USP46: variants seen among roughly 807,000 people sequenced by gnomAD.
USP46 encodes ubiquitin carboxyl-terminal hydrolase 46.
In USP46, 12 loss-of-function variants were observed where a neutral mutation model predicts 44.4. The observed-to-expected ratio is 0.27, with a 90% CI of 0.17 to 0.44. The LOEUF (loss-of-function observed/expected upper bound fraction) is 0.44. Ranked by LOEUF, USP46 falls within the 20% of genes least tolerant of loss-of-function variation. The pLI is 1.00. For synonymous variants in USP46, 155 were observed against 161.5 expected (o/e 0.96, Z 0.31); for missense variants, 248 against 444.8 (o/e 0.56, Z 3.98).
intron 1 of USP46, chr4:52,656,408 A>C: frequency 3.0e-6 from 2 of 672,574 alleles, no homozygotes; most frequent in Non-Finnish European, 2.2e-6. Context: ...TCCTCTGGGA[A>C]GGAAGACTGG....
At chr4:52,606,490 T>C (rs1402725847) in intron 5 of USP46, among the ~76,000 whole-genome samples, 1 of 152,084 alleles carries the variant, frequency 6.6e-6, no homozygotes, top group Non-Finnish European at 1.5e-5. Context: ...AGACAGCAGG[T>C]GCAGGGGAAC....
chr4:52,635,024 T>C (rs1295247785), intron 1 of USP46, among the ~76,000 whole-genome samples: 1 of 151,828 alleles, frequency 6.6e-6, no homozygotes, highest in Non-Finnish European at 1.5e-5. Flanking sequence ...AATCCTCAAA[T>C]GCAACTGCCC....
At chr4:52,642,819 C>G (rs1234874801) in intron 1 of USP46, among the ~76,000 whole-genome samples, 1 of 152,022 alleles carries the variant, frequency 6.6e-6, no homozygotes, top group East Asian at 1.9e-4. Flanking sequence ...TACCAAAAAG[C>G]AAATTTGAGT....
At chr4:52,616,161 T>A (rs1335622532) in intron 4 of USP46, among the ~76,000 whole-genome samples, 3 of 152,218 alleles carry the variant, frequency 2.0e-5, no homozygotes, top group African/African-American at 7.2e-5. Context: ...CATCTGACAA[T>A]GTCTGGAAAC....
At chr4:52,619,628 T>C (rs554569118) in intron 4 of USP46, among the ~76,000 whole-genome samples, 2 of 152,368 alleles carry the variant, frequency 1.3e-5, no homozygotes, top group African/African-American at 4.8e-5. Flanking sequence ...CTCAACACTT[T>C]ATAGTAACAG....
At chr4:52,644,784 G>A (rs1046466453) in intron 1 of USP46, among the ~76,000 whole-genome samples, 4 of 149,942 alleles carry the variant, frequency 2.7e-5, no homozygotes, top group Admixed American at 6.6e-5. Flanking sequence ...TTGGCCAGGC[G>A]CAGTGGCTCA....
intron 4 of USP46, among the ~76,000 whole-genome samples, chr4:52,618,741 A>G (rs73152475): frequency 0.023 from 3,544 of 152,254 alleles, 115 homozygotes; most frequent in African/African-American, 0.076. Context: ...ACTACAACCA[A>G]TTTGAATGAA....
chr4:52,610,389 C>A (rs553908304), intron 5 of USP46, among the ~76,000 whole-genome samples, 152 bp downstream of exon 5: 25 of 152,248 alleles, frequency 1.6e-4, no homozygotes, highest in African/African-American at 6.0e-4. Context: ...CTCCAGACCA[C>A]ATAATCGCTC....
intron 1 of USP46, among the ~76,000 whole-genome samples, chr4:52,645,459 C>A (rs370085263): frequency 2.6e-4 from 39 of 152,224 alleles, no homozygotes; most frequent in African/African-American, 8.9e-4. Context: ...ACTAAAACTT[C>A]AAGTCAAAAG....
At position 52,594,223 on chromosome 4, in the gene USP46, G is replaced by A. The variant is rs1716136791; in HGVS notation, c.*3417C>T. The A allele has an allele frequency of 1.3e-5, 2 of 151,866 alleles. No homozygotes were observed. Among genetic ancestry groups the A allele is most frequent in the Admixed American group, 1.3e-4 (2 of 15,238 alleles). 9.4% of individuals were successfully genotyped at this position (151,866 alleles called of 1,614,324 possible). On this transcript the variant is annotated 3_prime_UTR_variant, in exon 9 of 9. Coordinates refer to ENST00000441222, the MANE Select transcript of USP46 (RefSeq NM_022832.4). ...TTTTTGCAAACAATTTTAGAGGCAG[G>A]GTGTTAAACTGATTAAAATTTCACA...
chr4:52,602,858 G>GT (rs140378513), intron 6 of USP46, among the ~76,000 whole-genome samples: 16,379 of 152,102 alleles, frequency 0.11, 2,935 homozygotes, highest in African/African-American at 0.37. Context: ...ACATAGAAAA[G>GT]TTTTTTTACT....
At chr4:52,648,276 A>T (rs1718629252) in intron 1 of USP46, among the ~76,000 whole-genome samples, 1 of 152,064 alleles carries the variant, frequency 6.6e-6, no homozygotes, top group Non-Finnish European at 1.5e-5. Flanking sequence ...ACTACAAAAA[A>T]CCTCTTATCT....
In USP46 at chr4:52,626,251, G is replaced by C; in HGVS notation, c.332-4C>G. ...TGCATGTAGTTATCAAAGAGATCTG[G>C]AAAGGAGAAGGTGGTTATTTCAGTC... On this transcript the variant is annotated splice_polypyrimidine_tract_variant and splice_region_variant and intron_variant, in intron 3 of 8. Coordinates refer to ENST00000441222, the MANE Select transcript of USP46 (RefSeq NM_022832.4). 6.2e-7 allele frequency: 1 copy of C among 1,607,958 alleles called. No individual in the cohort carries two copies.
chr4:52,610,160 G>A lies in USP46; in HGVS notation c.638+381C>T, dbSNP rs530058334. Among the ~76,000 whole-genome samples the A allele has an allele frequency of 4.8e-3, 728 of 151,356 alleles. 4 individuals carry two copies. Among genetic ancestry groups the A allele is most frequent in the African/African-American group, 0.017 (683 of 41,314 alleles). ...AGGATGGTCTCGATCTCCTGACCTC[G>A]TGATCCGCCCGTCTCGGCCTCCCAA... is the stretch of plus-strand genomic sequence containing the variant. On this transcript the variant is annotated intron_variant, in intron 5 of 8. Coordinates refer to ENST00000441222, the MANE Select transcript of USP46 (RefSeq NM_022832.4).
chr4:52,604,476 A>G (rs371407219), intron 6 of USP46, 25 bp downstream of exon 6: 17 of 1,590,682 alleles, frequency 1.1e-5, no homozygotes, highest in Non-Finnish European at 1.4e-5. Flanking sequence ...ACACAAAGAT[A>G]ACCCTGAGCT....
intron 1 of USP46, chr4:52,658,389 C>T (rs982318363): frequency 2.5e-6 from 1 of 407,658 alleles, no homozygotes; most frequent in South Asian, 1.8e-5. Context: ...TATCCATGCC[C>T]GCCAGCCTCC....
At chr4:52,648,127 C>G (rs1383966926) in intron 1 of USP46, among the ~76,000 whole-genome samples, 1 of 152,180 alleles carries the variant, frequency 6.6e-6, no homozygotes, top group Admixed American at 6.5e-5. Context: ...GCTCTCATAC[C>G]CAATCAACAG....
At chr4:52,646,197 C>T (rs1444093829) in intron 1 of USP46, among the ~76,000 whole-genome samples, 1 of 152,190 alleles carries the variant, frequency 6.6e-6, no homozygotes, top group Non-Finnish European at 1.5e-5. Context: ...CAGTGAAAAT[C>T]ACAACACCTG....
intron 1 of USP46, among the ~76,000 whole-genome samples, chr4:52,642,492 G>C (rs1718380447): frequency 6.6e-6 from 1 of 152,158 alleles, no homozygotes; most frequent in African/African-American, 2.4e-5. Flanking sequence ...AGTCTCCTTG[G>C]AACCACAGAA....
Sources: gnomAD v4.1 joint callset for allele counts (sites outside exome capture counted in the v4.1 genomes callset) on GRCh38, gnomAD v4.1.1 for gene constraint, MANE v1.5 for transcripts, NCBI Gene and HGNC (gene_info 2026-07-23, HGNC 2026-07-21) for gene names.